Variants in SLC24A3 observed in about 807,000 individuals in gnomAD.
The protein encoded by SLC24A3 is sodium/potassium/calcium exchanger 3.
SLC24A3 carries 28 observed loss-of-function variants against 75.8 expected under a neutral mutation model. That is an observed-to-expected ratio of 0.37 (90% CI 0.27 to 0.51). The LOEUF is 0.51. Among genes scored for constraint, SLC24A3 ranks in the 20% least tolerant of loss-of-function variants. The probability of loss-of-function intolerance (pLI) is 0.94; values close to 1 mark genes in which losing one functional copy is unlikely to be tolerated. For synonymous variants in SLC24A3, 372 were observed against 334.1 expected (o/e 1.11, Z -1.24); for missense variants, 663 against 847.8 (o/e 0.78, Z 2.71).
chr20:19,289,712 T>C (rs1548242), intron 2 of SLC24A3, among the ~76,000 whole-genome samples: 73,846 of 152,142 alleles, frequency 0.49, 18,669 homozygotes, highest in African/African-American at 0.6. Flanking sequence ...ATGTCTCTAC[T>C]CCCTGGGGTT....
chr20:19,221,342 G>T (rs1225034351), intron 1 of SLC24A3, among the ~76,000 whole-genome samples: 2 of 152,174 alleles, frequency 1.3e-5, no homozygotes, highest in Non-Finnish European at 2.9e-5. Flanking sequence ...TGTAAAGTCT[G>T]CTGCCAGCTG....
chr20:19,343,088 A>AAAAAAAAAAAAG (rs1568594815), intron 2 of SLC24A3, among the ~76,000 whole-genome samples: 2 of 147,188 alleles, frequency 1.4e-5, no homozygotes, highest in African/African-American at 5.3e-5. Context: ...AAAAAAAGAA[A>AAAAAAAAAAAAG]AAAGAAAAAG....
chr20:19,435,094 A>G (rs1182726939), intron 2 of SLC24A3, among the ~76,000 whole-genome samples: 2 of 152,236 alleles, frequency 1.3e-5, no homozygotes, highest in Non-Finnish European at 2.9e-5. Flanking sequence ...TGCCAAAATT[A>G]TTTACAAATG....
chr20:19,481,153 G>T (rs1988045867), intron 2 of SLC24A3, among the ~76,000 whole-genome samples: 1 of 152,214 alleles, frequency 6.6e-6, no homozygotes, highest in African/African-American at 2.4e-5. Flanking sequence ...TGAGTTTCCA[G>T]TCCAGAGGAA....
chr20:19,448,052 CT>C (rs1429686688), intron 2 of SLC24A3, among the ~76,000 whole-genome samples: 2 of 152,246 alleles, frequency 1.3e-5, no homozygotes, highest in Non-Finnish European at 2.9e-5. Context: ...GTGGATTTAG[CT>C]TTTCCGGCCT....
chr20:19,659,050 G>A (rs546304643), intron 7 of SLC24A3, among the ~76,000 whole-genome samples: 1 of 152,174 alleles, frequency 6.6e-6, no homozygotes, highest in Non-Finnish European at 1.5e-5. Flanking sequence ...TTTACCTTTC[G>A]TCTCTGCTGG....
At chr20:19,305,767 A>G (rs1984312233) in intron 2 of SLC24A3, among the ~76,000 whole-genome samples, 1 of 152,178 alleles carries the variant, frequency 6.6e-6, no homozygotes, top group Non-Finnish European at 1.5e-5. Context: ...ACCTCAAACA[A>G]TAAAAATCCT....
At chr20:19,513,763 ATAT>A (rs1034187688) in intron 2 of SLC24A3, among the ~76,000 whole-genome samples, 2 of 148,196 alleles carry the variant, frequency 1.3e-5, no homozygotes, top group African/African-American at 5.0e-5. Context: ...CCTTTTTGAG[ATAT>A]TATTGACGTA....
intron 2 of SLC24A3, among the ~76,000 whole-genome samples, chr20:19,346,869 G>A (rs1057257313): frequency 6.6e-6 from 1 of 151,956 alleles, no homozygotes; most frequent in Non-Finnish European, 1.5e-5. Flanking sequence ...GAAAAGAAGA[G>A]TAATTATATA....
At chr20:19,512,579 C>T (rs1383528942) in intron 2 of SLC24A3, among the ~76,000 whole-genome samples, 1 of 152,246 alleles carries the variant, frequency 6.6e-6, no homozygotes, top group Non-Finnish European at 1.5e-5. Context: ...AGAATTGAAA[C>T]TCAGAATGCC....
At chr20:19,563,406 G>A (rs182555398) in intron 3 of SLC24A3, among the ~76,000 whole-genome samples, 2 of 152,148 alleles carry the variant, frequency 1.3e-5, no homozygotes, top group African/African-American at 4.8e-5. Flanking sequence ...ACAATGAAAG[G>A]AAAATGGGAG....
chr20:19,262,282 G>A (rs995351104), intron 1 of SLC24A3, among the ~76,000 whole-genome samples: 1 of 151,518 alleles, frequency 6.6e-6, no homozygotes, highest in South Asian at 2.1e-4. Context: ...GCGGGCGCCT[G>A]TAGTCCCAGC....
intron 2 of SLC24A3, among the ~76,000 whole-genome samples, chr20:19,376,522 C>T (rs6112333): frequency 6.6e-6 from 1 of 152,064 alleles, no homozygotes; most frequent in African/African-American, 2.4e-5. Context: ...AGCCCTGCTG[C>T]GAGACAGATT....
At chr20:19,586,759 G>A (rs751509888) in intron 6 of SLC24A3, among the ~76,000 whole-genome samples, 25 of 152,126 alleles carry the variant, frequency 1.6e-4, no homozygotes, top group Non-Finnish European at 2.6e-4. Context: ...GGATCTCATC[G>A]GGATTCAGCT....
At chr20:19,558,194 A>G (rs1600279910) in intron 3 of SLC24A3, among the ~76,000 whole-genome samples, 1 of 152,272 alleles carries the variant, frequency 6.6e-6, no homozygotes, top group East Asian at 1.9e-4. Context: ...ACCTTTACTG[A>G]CATATAATTT....
intron 3 of SLC24A3, among the ~76,000 whole-genome samples, chr20:19,552,126 G>A (rs6046177): frequency 0.65 from 98,536 of 152,066 alleles, 32,765 homozygotes; most frequent in South Asian, 0.75. Context: ...TTGTTAGTAC[G>A]TTCCTAGAAG....
chr20:19,645,762 CAG>C (rs778380881), intron 6 of SLC24A3, among the ~76,000 whole-genome samples: 85 of 152,202 alleles, frequency 5.6e-4, no homozygotes, highest in African/African-American at 9.4e-4. Context: ...CAAAATAAAA[CAG>C]GGGCTCAGGC....
intron 2 of SLC24A3, among the ~76,000 whole-genome samples, chr20:19,447,702 C>T (rs74956605): frequency 3.3e-5 from 5 of 152,228 alleles, no homozygotes; most frequent in Admixed American, 2.6e-4. Flanking sequence ...TGATGGGGTG[C>T]GATGATGGTT....
Position 19,466,271 on chromosome 20 carries a change from A to G in SLC24A3, c.272-49217A>G, listed in dbSNP as rs116747826. On this transcript the variant is annotated intron_variant, in intron 2 of 16. Coordinates refer to ENST00000328041, the MANE Select transcript of SLC24A3 (RefSeq NM_020689.4). ...TCCCTGCAATAGTTCTTTTAGCCAC[A>G]CCGTCTGATTGCCACAGGAAAGGAT... is the stretch of plus-strand genomic sequence containing the variant. Among the ~76,000 whole-genome samples the G allele has an allele frequency of 3.1e-3, 466 of 152,246 alleles. 3 individuals are homozygous for G. Among genetic ancestry groups the G allele is most frequent in the African/African-American group, 0.011 (439 of 41,556 alleles).
Sources: allele counts gnomAD v4.1 joint callset (sites outside exome capture counted in the v4.1 genomes callset), GRCh38; gene constraint gnomAD v4.1.1; transcripts MANE v1.5; gene names NCBI Gene and HGNC (gene_info 2026-07-23, HGNC 2026-07-21).